Variants in SGCZ observed in about 807,000 individuals in gnomAD.
SGCZ encodes the protein sarcoglycan zeta, also known as zeta-sarcoglycan.
A neutral mutation model predicts 41.3 loss-of-function variants in SGCZ; 40 were observed. The ratio of observed to expected loss-of-function variants is 0.97; its 90% confidence interval spans 0.75 to 1.26. The LOEUF is 1.26. Among genes scored for constraint, SGCZ ranks in the 50% most tolerant of loss-of-function variants. SGCZ has a pLI of 0.00. For synonymous variants in SGCZ, 206 were observed against 137.5 expected, an observed-to-expected ratio of 1.50 and a Z score of -3.49; for missense variants, 552 against 369.8, an observed-to-expected ratio of 1.49 and a Z score of -4.04.
intron 5 of SGCZ, among the ~76,000 whole-genome samples, chr8:14,142,718 G>A (rs1161236630): frequency 6.6e-6 from 1 of 152,136 alleles, no homozygotes; most frequent in African/African-American, 2.4e-5. Flanking sequence ...GGCCTGGTGG[G>A]AGGTGACGAG....
chr8:14,229,462 T>C (rs1410176406), intron 4 of SGCZ, among the ~76,000 whole-genome samples: 1 of 152,046 alleles, frequency 6.6e-6, no homozygotes, highest in African/African-American at 2.4e-5. Flanking sequence ...TAATTAATTA[T>C]AAATTTATTA....
At chr8:14,821,902 C>G (rs932529683) in intron 1 of SGCZ, among the ~76,000 whole-genome samples, 1 of 152,086 alleles carries the variant, frequency 6.6e-6, no homozygotes, top group South Asian at 2.1e-4. Context: ...AAATTAGGAA[C>G]TAGACAAGGT....
chr8:14,990,806 C>T (rs369563024), intron 1 of SGCZ, among the ~76,000 whole-genome samples: 1 of 152,188 alleles, frequency 6.6e-6, no homozygotes, highest in South Asian at 2.1e-4. Context: ...AGTTGTCCAT[C>T]CCTGGTGCCA....
intron 1 of SGCZ, among the ~76,000 whole-genome samples, chr8:14,998,865 T>C (rs768647389): frequency 1.3e-5 from 2 of 152,224 alleles, no homozygotes; most frequent in Non-Finnish European, 2.9e-5. Flanking sequence ...TATATCATCC[T>C]AGCTATTGAT....
intron 2 of SGCZ, among the ~76,000 whole-genome samples, chr8:14,392,735 T>A (rs1482669463): frequency 6.6e-6 from 1 of 152,172 alleles, no homozygotes; most frequent in African/African-American, 2.4e-5. Flanking sequence ...AATAAAACTA[T>A]ATGTGATTTA....
At chr8:14,274,960 G>T (rs13275676) in intron 3 of SGCZ, among the ~76,000 whole-genome samples, 3 of 151,844 alleles carry the variant, frequency 2.0e-5, no homozygotes, top group Admixed American at 1.3e-4. Flanking sequence ...AGGTTTGGTC[G>T]TTCATGATCT....
At chr8:15,097,718 G>C (rs925473845) in intron 1 of SGCZ, among the ~76,000 whole-genome samples, 1 of 138,586 alleles carries the variant, frequency 7.2e-6, no homozygotes, top group Non-Finnish European at 1.5e-5. Context: ...GACAGAGTGA[G>C]AGCTTATAAA....
At position 14,660,866 on chromosome 8, in the gene SGCZ, A is replaced by T. The variant is rs138512796; in HGVS notation, c.40-105940T>A. ...GTTTATATTGCTTTGTTCTAACTGGAAACTGAACTTTTATATAGAGGTCTT... is the reference window on the plus strand; with the variant it reads ...GTTTATATTGCTTTGTTCTAACTGGTAACTGAACTTTTATATAGAGGTCTT... On this transcript the variant is annotated intron_variant, in intron 1 of 7. Transcript: ENST00000382080. Among the ~76,000 whole-genome samples, 571 of 152,292 alleles carry T rather than the reference A, an allele frequency of 3.7e-3. 7 individuals are homozygous for T. The highest frequency in any genetic ancestry group is 0.013 in the African/African-American group (553 of 41,576).
chr8:15,035,020 G>C (rs1803822938), intron 1 of SGCZ, among the ~76,000 whole-genome samples: 1 of 152,222 alleles, frequency 6.6e-6, no homozygotes, highest in African/African-American at 2.4e-5. Flanking sequence ...AAAGTATTAA[G>C]ATGACTCATA....
intron 1 of SGCZ, among the ~76,000 whole-genome samples, chr8:14,719,960 T>G (rs1809826522): frequency 6.6e-6 from 1 of 151,974 alleles, no homozygotes; most frequent in Non-Finnish European, 1.5e-5. Flanking sequence ...AACGCCTAGG[T>G]TTTCTTCTAG....
intron 2 of SGCZ, among the ~76,000 whole-genome samples, chr8:14,348,910 C>T (rs148734865): frequency 1.1e-3 from 163 of 152,210 alleles, no homozygotes; most frequent in South Asian, 7.1e-3. Context: ...AGGATCTCTA[C>T]GCAGCAATGG....
intron 1 of SGCZ, among the ~76,000 whole-genome samples, chr8:14,884,830 C>A (rs186748286): frequency 2.0e-5 from 3 of 151,992 alleles, no homozygotes; most frequent in Non-Finnish European, 4.4e-5. Context: ...TCTCTTCTTA[C>A]CCCATCTCCT....
chr8:14,128,640 A>C (rs1334077380), intron 5 of SGCZ, among the ~76,000 whole-genome samples: 1 of 152,196 alleles, frequency 6.6e-6, no homozygotes, highest in Non-Finnish European at 1.5e-5. Context: ...AAAATCATGG[A>C]ATCAACCTAA....
intron 2 of SGCZ, among the ~76,000 whole-genome samples, chr8:14,389,941 A>G (rs377670998): frequency 1.3e-5 from 2 of 152,170 alleles, no homozygotes; most frequent in East Asian, 3.9e-4. Flanking sequence ...TGACAAGTTA[A>G]AAACGGTGTG....
intron 1 of SGCZ, among the ~76,000 whole-genome samples, chr8:14,816,540 C>A (rs1274373424): frequency 1.3e-5 from 2 of 152,068 alleles, no homozygotes; most frequent in Non-Finnish European, 2.9e-5. Context: ...AAATAATTAT[C>A]ATAAAAAGCA....
intron 1 of SGCZ, among the ~76,000 whole-genome samples, chr8:14,855,019 T>G (rs1273106024): frequency 1.3e-5 from 2 of 151,408 alleles, no homozygotes; most frequent in African/African-American, 4.9e-5. Flanking sequence ...GATCTAACTT[T>G]GATGCAACTT....
chr8:14,977,041 A>C (rs1801501068), intron 1 of SGCZ, among the ~76,000 whole-genome samples: 1 of 152,226 alleles, frequency 6.6e-6, no homozygotes, highest in Admixed American at 6.5e-5. Context: ...TACAAACACC[A>C]ATGTCTTTGC....
At chr8:14,285,715 T>C (rs1398419777) in intron 3 of SGCZ, among the ~76,000 whole-genome samples, 1 of 151,994 alleles carries the variant, frequency 6.6e-6, no homozygotes, top group Non-Finnish European at 1.5e-5. Context: ...CAGGGGAAAG[T>C]GGTTTCTATG....
intron 1 of SGCZ, among the ~76,000 whole-genome samples, chr8:14,612,060 T>C (rs549536537): frequency 2.0e-5 from 3 of 152,328 alleles, no homozygotes; most frequent in Admixed American, 6.5e-5. Context: ...TCCTTCAAAT[T>C]TGGATTTTGA....
Sources: allele counts gnomAD v4.1 joint callset (sites outside exome capture counted in the v4.1 genomes callset), GRCh38; gene constraint gnomAD v4.1.1; transcripts MANE v1.5; gene names NCBI Gene and HGNC (gene_info 2026-07-23, HGNC 2026-07-21).